Variants in TAS1R1 observed in about 807,000 individuals in gnomAD.
The protein encoded by TAS1R1 is taste 1 receptor member 1, also known as taste receptor type 1 member 1.
In TAS1R1, 31 loss-of-function variants were observed where a neutral mutation model predicts 45.8. That is an observed-to-expected ratio of 0.68 (90% CI 0.51 to 0.91). The LOEUF is 0.91. Ranked by LOEUF, TAS1R1 falls within the 40% of genes least tolerant of loss-of-function variation. The probability of loss-of-function intolerance (pLI) is 0.00; values close to 1 mark genes in which losing one functional copy is unlikely to be tolerated. For synonymous variants in TAS1R1, 437 were observed against 448.4 expected (o/e 0.97, Z 0.32); for missense variants, 1,051 against 1,063.9 (o/e 0.99, Z 0.17).
intron 1 of TAS1R1, among the ~76,000 whole-genome samples, chr1:6,559,845 C>T (rs755083003): frequency 6.6e-6 from 1 of 151,518 alleles, no homozygotes; most frequent in Non-Finnish European, 1.5e-5. Flanking sequence ...CGAAAATGAG[C>T]TGGACGTGTG....
intron 1 of TAS1R1, among the ~76,000 whole-genome samples, chr1:6,564,857 G>A (rs1472332961): frequency 2.6e-5 from 4 of 152,222 alleles, no homozygotes; most frequent in African/African-American, 9.6e-5. Flanking sequence ...GAGGCAAGTG[G>A]GTGAAGTCTA....
intron 2 of TAS1R1, among the ~76,000 whole-genome samples, chr1:6,573,206 C>A (rs533529298): frequency 8.3e-4 from 127 of 152,324 alleles, no homozygotes; most frequent in Non-Finnish European, 1.3e-3. Flanking sequence ...CGCCTGTAAT[C>A]CCAGCACTTT....
In TAS1R1 at chr1:6,564,087, G is replaced by T. The variant is rs146038499; in HGVS notation, c.192-6822G>T. Among the ~76,000 whole-genome samples the T allele has an allele frequency of 5.8e-3, 890 of 152,264 alleles. 2 individuals are homozygous for T. The highest frequency in any genetic ancestry group is 0.012 in the African/African-American group (488 of 41,546). ...GGCCAAGGAGGGAACTGGAGAATCG[G>T]CGGAAGGCGGCGGGTGGGTCACTTG... On this transcript the variant is annotated intron_variant, in intron 1 of 5. Transcript: ENST00000333172.
chr1:6,555,470 A>C lies in TAS1R1; in HGVS notation c.97A>C (p.Thr33Pro), dbSNP rs571244932. 1.9e-6 allele frequency: 3 copies of C among 1,597,720 alleles called. No homozygotes were observed. The East Asian group carries it at 6.8e-5, about 36-fold the overall frequency. The change falls in exon 1 of 6, where the codon ACC becomes CCC. Residue 33 changes from threonine (T) to proline (P), a missense_variant. Thr to Pro is a conservative substitution (Grantham distance 38, BLOSUM62 -1). Transcript: ENST00000333172. ...CHSTESSPDF[T>P]LPGDYLLAGL... is the part of the protein sequence containing the mutation. ...TAGCACGGAGTCTTCTCCTGACTTC[A>C]CCCTCCCCGGAGATTACCTCCTGGC...
At chr1:6,578,589 C>T in intron 5 of TAS1R1, 64 bp from the exon 6 acceptor site, 2 of 1,513,266 alleles carry the variant, frequency 1.3e-6, no homozygotes, top group Non-Finnish European at 1.8e-6. Flanking sequence ...TCTTGCAGGC[C>T]CCTATTTCCT....
At chr1:6,564,687 T>C (rs1382126270) in intron 1 of TAS1R1, among the ~76,000 whole-genome samples, 1 of 152,154 alleles carries the variant, frequency 6.6e-6, no homozygotes, top group Non-Finnish European at 1.5e-5. Context: ...GCTAGGGCCA[T>C]TGTCTGATTG....
At chr1:6,562,841 G>A (rs1209248836) in intron 1 of TAS1R1, among the ~76,000 whole-genome samples, 1 of 152,174 alleles carries the variant, frequency 6.6e-6, no homozygotes, top group Admixed American at 6.5e-5. Flanking sequence ...AACTGGTTAT[G>A]TATATTGAAA....
chr1:6,566,875 G>A (rs1036736606), intron 1 of TAS1R1, among the ~76,000 whole-genome samples: 4 of 152,188 alleles, frequency 2.6e-5, no homozygotes, highest in Admixed American at 6.5e-5. Flanking sequence ...GATTACAGGC[G>A]TGAGCCACGC....
At chr1:6,558,189 AC>A (rs1469208562) in intron 1 of TAS1R1, among the ~76,000 whole-genome samples, 1 of 151,818 alleles carries the variant, frequency 6.6e-6, no homozygotes, top group African/African-American at 2.4e-5. Context: ...GGCATATGCC[AC>A]CACTTACCGC....
intron 1 of TAS1R1, among the ~76,000 whole-genome samples, chr1:6,570,362 A>G (rs1332847957): frequency 6.7e-6 from 1 of 150,024 alleles, no homozygotes; most frequent in Non-Finnish European, 1.5e-5. Flanking sequence ...TGGTGAGAAA[A>G]GGAGGGGATG....
rs551221764 is a variant in TAS1R1 at position 6,564,775 on chromosome 1, A to C, written c.192-6134A>C. On this transcript the variant is annotated intron_variant, in intron 1 of 5. Transcript: ENST00000333172. ...GCGACTACTGCGGCCTTTTCTGAAG[A>C]GGTCAGAAATGCTTCTACCCGCTCA... Among the ~76,000 whole-genome samples, 7 of 152,322 alleles carry C rather than the reference A, an allele frequency of 4.6e-5. No homozygotes were observed. The South Asian group carries it at 1.4e-3, about 32-fold the overall frequency.
chr1:6,565,097 A>G (rs763888876), intron 1 of TAS1R1, among the ~76,000 whole-genome samples: 4 of 152,218 alleles, frequency 2.6e-5, no homozygotes, highest in Non-Finnish European at 5.9e-5. Context: ...GAATAACTTC[A>G]GGATTGAGGA....
At chr1:6,559,279 C>G (rs1012853305) in intron 1 of TAS1R1, among the ~76,000 whole-genome samples, 2 of 152,064 alleles carry the variant, frequency 1.3e-5, no homozygotes, top group Non-Finnish European at 2.9e-5. Context: ...ATCCACCCAC[C>G]TCAGCCTCCC....
rs1639657069 is a variant in TAS1R1 at position 6,555,441 on chromosome 1, G to A, written c.68G>A (p.Cys23Tyr). 3 of 1,607,294 alleles carry A rather than the reference G, an allele frequency of 1.9e-6. No individual in the cohort carries two copies. The highest frequency in any genetic ancestry group is 2.5e-6 in the Non-Finnish European group (3 of 1,177,256). The stretch of plus-strand genomic sequence containing the variant: ...ATTTCCTGCTGCTGGGCCTTTGCCT[G>A]CCATAGCACGGAGTCTTCTCCTGAC... ...LLISCCWAFA[C>Y]HSTESSPDFT... is the part of the protein sequence containing the mutation. The change falls in exon 1 of 6, where the codon TGC (cysteine) becomes TAC (tyrosine). Residue 23 changes from cysteine to tyrosine, a missense_variant. Coordinates refer to ENST00000333172, the MANE Select transcript of TAS1R1 (RefSeq NM_138697.4).
chr1:6,571,679 G>C (rs1482095559), intron 2 of TAS1R1, among the ~76,000 whole-genome samples: 1 of 152,308 alleles, frequency 6.6e-6, no homozygotes, highest in East Asian at 1.9e-4. Context: ...AGTTAGCTGA[G>C]AGTGGTGGTG....
Position 6,574,740 on chromosome 1 carries a change from T to C in TAS1R1, c.608T>C (p.Leu203Pro). 6.2e-7 allele frequency: 1 copy of C among 1,614,290 alleles called. No individual in the cohort carries two copies. Among genetic ancestry groups the C allele is most frequent in the Non-Finnish European group, 8.5e-7 (1 of 1,180,056 alleles). ...CAGGTGGAGACCATGGTGCTGCTGC[T>C]GCAGAAGTTCGGGTGGACCTGGATC... is the stretch of plus-strand genomic sequence containing the variant. ...KYQVETMVLL[L>P]QKFGWTWISL... Residue 203 changes from leucine to proline, a missense_variant, in exon 3 of 6, where the codon CTG (leucine) becomes CCG (proline). Coordinates refer to ENST00000333172, the MANE Select transcript of TAS1R1 (RefSeq NM_138697.4). This position sits in a 1 kb window ranked among gnomAD's most constrained non-coding sequence, Gnocchi z 4.3.
Position 6,576,511 on chromosome 1 carries a change from G to C in TAS1R1, c.1357G>C (p.Ala453Pro). 2.5e-6 allele frequency: 4 copies of C among 1,614,256 alleles called. No homozygotes were observed. The highest frequency in any genetic ancestry group is 3.4e-6 in the Non-Finnish European group (4 of 1,180,050). Residue 453 changes from alanine (A) to proline (P), a missense_variant, in exon 4 of 6, where the codon GCC (alanine) becomes CCC (proline). Ala to Pro is a conservative substitution (Grantham distance 27). Coordinates refer to ENST00000333172, the MANE Select transcript of TAS1R1 (RefSeq NM_138697.4). ...TCCCCTCAGTAGCTATAACATAATT[G>C]CCTGGGACTGGAATGGACCCAAGTG... Reference protein sequence around the residue: ...RDPLSSYNIIAWDWNGPKWTF... With the variant: ...RDPLSSYNIIPWDWNGPKWTF...
At chr1:6,572,035 G>T (rs1640030631) in intron 2 of TAS1R1, among the ~76,000 whole-genome samples, 1 of 151,950 alleles carries the variant, frequency 6.6e-6, no homozygotes, top group Non-Finnish European at 1.5e-5. Context: ...TTCCCCATGG[G>T]TTCCTGCCTG....
Position 6,579,351 on chromosome 1 carries a change from A to G in TAS1R1, c.2293A>G (p.Ser765Gly), listed in dbSNP as rs147651859. Residue 765 changes from serine (S) to glycine (G), a missense_variant, in exon 6 of 6, where the codon AGC (serine) becomes GGC (glycine). Ser to Gly is a moderately conservative substitution (Grantham distance 56). Coordinates refer to ENST00000333172, the MANE Select transcript of TAS1R1 (RefSeq NM_138697.4). ...CAACGAGGCCAAATGTGTCACCTTC[A>G]GCCTGCTCTTCAACTTCGTGTCCTG... ...NYNEAKCVTFSLLFNFVSWIA... is the reference protein window; with the variant it reads ...NYNEAKCVTFGLLFNFVSWIA... 68 of 1,614,072 alleles carry G rather than the reference A, an allele frequency of 4.2e-5. 1 individual carries two copies. The African/African-American group carries it at 8.4e-4, about 20-fold the overall frequency.
Sources: allele counts gnomAD v4.1 joint callset (sites outside exome capture counted in the v4.1 genomes callset), GRCh38; gene constraint gnomAD v4.1.1; non-coding constraint Gnocchi (gnomAD v3.1); transcripts MANE v1.5; gene names NCBI Gene and HGNC (gene_info 2026-07-23, HGNC 2026-07-21).